NKAIN3: variants seen among roughly 807,000 people sequenced by gnomAD.
The protein encoded by NKAIN3 is sodium/potassium-transporting ATPase subunit beta-1-interacting protein 3.
In NKAIN3, 25 loss-of-function variants were observed where a neutral mutation model predicts 30.2. The ratio of observed to expected loss-of-function variants is 0.83; its 90% CI spans 0.60 to 1.16. The LOEUF (loss-of-function observed/expected upper bound fraction) is 1.16. Ranked by LOEUF, NKAIN3 falls within the 50% of genes most tolerant of loss-of-function variation. The probability of loss-of-function intolerance (pLI) is 0.00; values close to 1 mark genes in which losing one functional copy is unlikely to be tolerated. For synonymous variants in NKAIN3, 91 were observed against 89.6 expected (o/e 1.02, Z -0.09); for missense variants, 225 against 254.1 (o/e 0.89, Z 0.78).
intron 4 of NKAIN3, among the ~76,000 whole-genome samples, chr8:62,906,819 G>T (rs780329275): frequency 2.0e-5 from 3 of 152,176 alleles, no homozygotes; most frequent in East Asian, 3.8e-4. Flanking sequence ...TTTATAAATT[G>T]CCCAGTATTG....
At chr8:62,787,879 C>A (rs1170110460) in intron 4 of NKAIN3, among the ~76,000 whole-genome samples, 3 of 151,970 alleles carry the variant, frequency 2.0e-5, no homozygotes, top group South Asian at 2.1e-4. Context: ...TTATGGCTGC[C>A]TAGTATTCCA....
intron 4 of NKAIN3, among the ~76,000 whole-genome samples, chr8:62,810,293 A>G (rs1302524323): frequency 6.6e-6 from 1 of 152,156 alleles, no homozygotes; most frequent in Non-Finnish European, 1.5e-5. Context: ...CACTTCTTTT[A>G]TGATTTGAGG....
chr8:62,802,936 G>C (rs556319479), intron 4 of NKAIN3, among the ~76,000 whole-genome samples: 1 of 151,776 alleles, frequency 6.6e-6, no homozygotes, highest in South Asian at 2.1e-4. Flanking sequence ...CAAGTAAATG[G>C]AAAACAAAAA....
intron 3 of NKAIN3, among the ~76,000 whole-genome samples, chr8:62,710,094 A>G (rs1289071848): frequency 6.6e-5 from 10 of 152,138 alleles, no homozygotes; most frequent in African/African-American, 2.2e-4. Flanking sequence ...AGTGCTTGTT[A>G]TAATTTCCAT....
intron 4 of NKAIN3, among the ~76,000 whole-genome samples, chr8:62,870,215 T>TATCTATATCTATATATAG (rs1563603796): frequency 0.013 from 1,499 of 119,260 alleles, 17 homozygotes; most frequent in Middle Eastern, 0.019. Context: ...TTTGTATATA[T>TATCTATATCTATATATAG]ATATCTATAT....
At chr8:62,831,484 T>G (rs1212411383) in intron 4 of NKAIN3, among the ~76,000 whole-genome samples, 2 of 152,000 alleles carry the variant, frequency 1.3e-5, no homozygotes, top group Non-Finnish European at 2.9e-5. Context: ...CAAAGAAACT[T>G]CTAAAGCAAT....
chr8:62,498,322 C>T (rs2129659702), intron 1 of NKAIN3, among the ~76,000 whole-genome samples: 1 of 151,990 alleles, frequency 6.6e-6, no homozygotes, highest in Non-Finnish European at 1.5e-5. Context: ...CTCCTCAGAC[C>T]CCCTATTGAA....
intron 1 of NKAIN3, among the ~76,000 whole-genome samples, chr8:62,478,764 T>G (rs2129600602): frequency 6.6e-6 from 1 of 152,072 alleles, no homozygotes; most frequent in East Asian, 1.9e-4. Context: ...AGGGATGGAG[T>G]CAGGGTTAGG....
At chr8:62,504,643 A>G (rs1807574326) in intron 1 of NKAIN3, among the ~76,000 whole-genome samples, 1 of 152,134 alleles carries the variant, frequency 6.6e-6, no homozygotes, top group South Asian at 2.1e-4. Context: ...AAATCAAACC[A>G]TCCATTATTT....
At chr8:62,553,046 A>G (rs1809267577) in intron 1 of NKAIN3, among the ~76,000 whole-genome samples, 2 of 152,182 alleles carry the variant, frequency 1.3e-5, no homozygotes, top group African/African-American at 2.4e-5. Flanking sequence ...GAATTCAGCA[A>G]TTTGGGGAAG....
At chr8:62,351,066 T>G (rs1816164144) in intron 1 of NKAIN3, among the ~76,000 whole-genome samples, 1 of 148,802 alleles carries the variant, frequency 6.7e-6, no homozygotes, top group Admixed American at 6.7e-5. Context: ...GATATAAAAT[T>G]AAAATGTAAA....
intron 2 of NKAIN3, among the ~76,000 whole-genome samples, chr8:62,586,407 G>C (rs932796625): frequency 6.6e-6 from 1 of 152,006 alleles, no homozygotes; most frequent in African/African-American, 2.4e-5. Context: ...ATTATATAAC[G>C]TATATGACTT....
At chr8:62,662,288 G>A (rs1812969788) in intron 3 of NKAIN3, among the ~76,000 whole-genome samples, 3 of 152,158 alleles carry the variant, frequency 2.0e-5, no homozygotes, top group African/African-American at 7.2e-5. Context: ...GTCCAAATGG[G>A]AGTGGACAAA....
At chr8:62,719,776 A>C (rs1345086802) in intron 3 of NKAIN3, among the ~76,000 whole-genome samples, 3 of 48,240 alleles carry the variant, frequency 6.2e-5, no homozygotes, top group Non-Finnish European at 1.1e-4. Flanking sequence ...TTTTTTTTTG[A>C]GACGGAGTCT....
chr8:62,891,754 C>T (rs1441500483), intron 4 of NKAIN3, among the ~76,000 whole-genome samples: 2 of 152,164 alleles, frequency 1.3e-5, no homozygotes, highest in East Asian at 1.9e-4. Flanking sequence ...CCTTCAAAAG[C>T]CACAAGATAT....
chr8:62,595,094 T>C (rs1018496086), intron 3 of NKAIN3, among the ~76,000 whole-genome samples: 7 of 152,168 alleles, frequency 4.6e-5, no homozygotes, highest in Admixed American at 1.3e-4. Flanking sequence ...GATAATACTA[T>C]AGAGAAAATT....
intron 1 of NKAIN3, among the ~76,000 whole-genome samples, chr8:62,437,842 C>T (rs1440470346): frequency 6.6e-6 from 1 of 152,104 alleles, no homozygotes; most frequent in African/African-American, 2.4e-5. Context: ...GCTTGGGAAA[C>T]TGCTATTAAA....
intron 1 of NKAIN3, among the ~76,000 whole-genome samples, chr8:62,434,055 T>C (rs1407651437): frequency 6.6e-6 from 1 of 152,120 alleles, no homozygotes; most frequent in African/African-American, 2.4e-5. Context: ...TTGTAGTCTG[T>C]GTGAGCCTGA....
At chr8:62,942,223 TACATATATATACACATATATATAC>T (rs1563638374) in intron 5 of NKAIN3, among the ~76,000 whole-genome samples, 1 of 33,922 alleles carries the variant, frequency 2.9e-5, no homozygotes, top group South Asian at 1.3e-3. Flanking sequence ...CACATATATA[TACATATATATACACATATATATAC>T]ATATATATAT....
Sources: allele counts gnomAD v4.1 joint callset (sites outside exome capture counted in the v4.1 genomes callset), GRCh38; gene constraint gnomAD v4.1.1; transcripts MANE v1.5; gene names NCBI Gene and HGNC (gene_info 2026-07-23, HGNC 2026-07-21).